Variants in HEATR5A observed in about 807,000 individuals in gnomAD.
HEATR5A encodes the protein HEAT repeat-containing protein 5A.
A neutral mutation model predicts 218.8 loss-of-function variants in HEATR5A; 178 were observed. The observed-to-expected ratio is 0.81, with a 90% confidence interval of 0.72 to 0.92. HEATR5A has a LOEUF of 0.92. HEATR5A is among the 40% of genes least tolerant of loss of function. The pLI, the probability that HEATR5A is intolerant of heterozygous loss-of-function variation, is 0.00. For synonymous variants in HEATR5A, 864 were observed against 871.6 expected (o/e 0.99, Z 0.15); for missense variants, 2,420 against 2,418.9 (o/e 1.00, Z -0.01).
intron 16 of HEATR5A, among the ~76,000 whole-genome samples, chr14:31,357,294 G>C (rs1212989006): frequency 1.3e-5 from 2 of 152,306 alleles, no homozygotes; most frequent in Non-Finnish European, 2.9e-5. Flanking sequence ...GAGAGGTGTT[G>C]GTGATGAAAT....
At chr14:31,416,181 G>C (rs1054443466) in intron 1 of HEATR5A, among the ~76,000 whole-genome samples, 4 of 151,834 alleles carry the variant, frequency 2.6e-5, no homozygotes, top group African/African-American at 9.7e-5. Context: ...GCAGTGGTAC[G>C]ATCTCGGCTC....
At chr14:31,389,538 C>T (rs985862516) in intron 6 of HEATR5A, among the ~76,000 whole-genome samples, 7 of 152,164 alleles carry the variant, frequency 4.6e-5, no homozygotes, top group African/African-American at 1.7e-4. Flanking sequence ...ATTAAAACTA[C>T]TCAGTTGGCT....
Position 31,405,090 on chromosome 14 carries a change from A to C in HEATR5A, c.-74-2041T>G, listed in dbSNP as rs111424582. Among the ~76,000 whole-genome samples the C allele has an allele frequency of 9.6e-3, 1,435 of 149,528 alleles. 23 individuals carry two copies. The highest frequency in any genetic ancestry group is 0.032 in the African/African-American group (1,325 of 40,810). On this transcript the variant is annotated intron_variant, in intron 1 of 35. Coordinates refer to ENST00000543095, the MANE Select transcript of HEATR5A (RefSeq NM_015473.4). ...AAAAAAAAAAAAAAGACGAAAGAGAAAGAAAATATTAGGTCATTTTCAAAA... is the reference window on the plus strand; with the variant it reads ...AAAAAAAAAAAAAAGACGAAAGAGACAGAAAATATTAGGTCATTTTCAAAA...
intron 14 of HEATR5A, among the ~76,000 whole-genome samples, chr14:31,359,287 A>C (rs2378856): frequency 2.0e-5 from 1 of 50,448 alleles, no homozygotes; most frequent in Non-Finnish European, 6.0e-5. Context: ...AAAGTGTAAG[A>C]GTGTGTGTGT....
At chr14:31,334,090 T>C (rs1294890129) in intron 22 of HEATR5A, among the ~76,000 whole-genome samples, 3 of 145,354 alleles carry the variant, frequency 2.1e-5, no homozygotes, top group Admixed American at 6.8e-5. Flanking sequence ...GATGATAGCA[T>C]ATCTGTTTAC....
chr14:31,343,187 G>C (rs544653917), intron 21 of HEATR5A, among the ~76,000 whole-genome samples: 29 of 152,112 alleles, frequency 1.9e-4, no homozygotes, highest in Admixed American at 1.2e-3. Flanking sequence ...CCACCTCCCG[G>C]GTTCAAGCGA....
chr14:31,416,236 C>A (rs2139331482), intron 1 of HEATR5A, among the ~76,000 whole-genome samples: 1 of 152,324 alleles, frequency 6.6e-6, no homozygotes, highest in Middle Eastern at 3.4e-3. Flanking sequence ...TCTGCCTCAG[C>A]CTCCTGAGTA....
chr14:31,379,071 A>G (rs990609465), intron 11 of HEATR5A, among the ~76,000 whole-genome samples: 4 of 149,874 alleles, frequency 2.7e-5, no homozygotes, highest in Admixed American at 6.7e-5. Context: ...CCTCCCCTGT[A>G]GCTGGGACTA....
chr14:31,403,084 G>C, intron 1 of HEATR5A, 35 bp from the exon 2 acceptor site: 1 of 977,628 alleles, frequency 1.0e-6, no homozygotes, highest in Non-Finnish European at 1.4e-6. Flanking sequence ...TTTAAAAGGG[G>C]GGTAAAAAGG....
At chr14:31,390,533 TG>T (rs1414492397) in intron 6 of HEATR5A, among the ~76,000 whole-genome samples, 4 of 152,194 alleles carry the variant, frequency 2.6e-5, no homozygotes, top group African/African-American at 9.7e-5. Flanking sequence ...AGAAAAAAGC[TG>T]TAAGAATAGT....
At chr14:31,307,233 AATT>A (rs1899583544) in intron 30 of HEATR5A, among the ~76,000 whole-genome samples, 1 of 152,228 alleles carries the variant, frequency 6.6e-6, no homozygotes, top group South Asian at 2.1e-4. Flanking sequence ...TTGCAGAGGA[AATT>A]ATACTACTCA....
chr14:31,350,753 GGTAA>G lies in HEATR5A; in HGVS notation c.2412-40_2412-37del, dbSNP rs777609115. The stretch of plus-strand genomic sequence containing the variant: ...AAATAACAGGATTTAAAAGCAAGTA[GGTAA>G]GTTTTTGTTTGTTTGTTTGTTTGTT... On this transcript the variant is annotated intron_variant, in intron 16 of 35. Transcript: ENST00000543095. 1.1e-5 allele frequency: 13 copies of G among 1,164,064 alleles called. No homozygotes were observed. The South Asian group carries it at 1.8e-4, about 16-fold the overall frequency. The allele number at this position is 1,164,064 out of a possible 1,614,324, so 72.1% of individuals were successfully genotyped here. A position where few individuals can be genotyped will look rare whatever the true frequency, so the allele number is the denominator to read the frequency against.
intron 26 of HEATR5A, among the ~76,000 whole-genome samples, chr14:31,317,791 G>A (rs1899961550): frequency 6.6e-6 from 1 of 152,090 alleles, no homozygotes; most frequent in South Asian, 2.1e-4. Context: ...AATGTTGCTG[G>A]GACTGTGGCA....
At chr14:31,359,144 A>G in intron 14 of HEATR5A, 87 bp from the exon 15 acceptor site, 1 of 1,272,150 alleles carries the variant, frequency 7.9e-7, no homozygotes, top group Non-Finnish European at 1.1e-6. Flanking sequence ...GCTTTAATGC[A>G]CCCACTGGCC....
At chr14:31,336,484 C>T (rs1287535756) in intron 22 of HEATR5A, among the ~76,000 whole-genome samples, 1 of 151,734 alleles carries the variant, frequency 6.6e-6, no homozygotes, top group Admixed American at 6.6e-5. Context: ...GCCACCATAC[C>T]TGGCCTATTA....
In HEATR5A at chr14:31,402,872, T is replaced by A. The variant is rs1258049605; in HGVS notation, c.104A>T (p.Lys35Met). The change falls in exon 2 of 36, where the codon AAG (lysine) becomes ATG (methionine). Residue 35 changes from lysine to methionine, a missense_variant. Physicochemically the swap from Lys to Met is moderately conservative, Grantham distance 95 (BLOSUM62 -1). Transcript: ENST00000543095. The stretch of plus-strand genomic sequence containing the variant: ...CACCCTGCTGGTTGCCAACAAGAGC[T>A]TCTCCAAGTATCTCAACCACTCAAA... ...FIFEWLRYLE[K>M]LLLATSRNDV... The A allele has an allele frequency of 6.5e-7, 1 of 1,536,608 alleles. No homozygotes were observed. Among genetic ancestry groups the A allele is most frequent in the Admixed American group, 2.0e-5 (1 of 51,002 alleles).
intron 21 of HEATR5A, among the ~76,000 whole-genome samples, chr14:31,342,288 T>C (rs531768518): frequency 2.6e-4 from 39 of 152,216 alleles, no homozygotes; most frequent in South Asian, 1.7e-3. Context: ...CTTCGGAGGC[T>C]GAAGGGGGAG....
chr14:31,391,608 G>A (rs2030457146), intron 6 of HEATR5A, among the ~76,000 whole-genome samples: 1 of 152,150 alleles, frequency 6.6e-6, no homozygotes, highest in African/African-American at 2.4e-5. Context: ...ATCTACAGTA[G>A]TATACAGTAA....
intron 19 of HEATR5A, among the ~76,000 whole-genome samples, chr14:31,346,403 G>T (rs1401557532): frequency 2.0e-5 from 3 of 152,150 alleles, no homozygotes; most frequent in Non-Finnish European, 4.4e-5. Flanking sequence ...AGTGGAGGAG[G>T]CGAGTAGTAA....
Sources: gnomAD v4.1 joint callset for allele counts (sites outside exome capture counted in the v4.1 genomes callset) on GRCh38, gnomAD v4.1.1 for gene constraint, MANE v1.5 for transcripts, NCBI Gene and HGNC (gene_info 2026-07-23, HGNC 2026-07-21) for gene names.